The following PHACTR1 variants were observed in gnomAD, a reference collection of about 807,000 sequenced individuals.
The protein encoded by PHACTR1 is phosphatase and actin regulator 1.
In PHACTR1, 16 loss-of-function variants were observed where a neutral mutation model predicts 69.2. The observed-to-expected ratio is 0.23, with a 90% CI of 0.16 to 0.35. The LOEUF is 0.35. Ranked by LOEUF, PHACTR1 falls within the 10% of genes least tolerant of loss-of-function variation. The pLI, the probability that PHACTR1 is intolerant of heterozygous loss-of-function variation, is 1.00. For missense variants in PHACTR1, 510 were observed against 734.7 expected (o/e 0.69, Z 3.54); for synonymous variants, 312 against 284.5 (o/e 1.10, Z -0.97).
intron 4 of PHACTR1, among the ~76,000 whole-genome samples, chr6:13,046,523 C>T (rs553185681): frequency 1.3e-5 from 2 of 152,228 alleles, no homozygotes; most frequent in East Asian, 3.9e-4. Flanking sequence ...CAGTGATCCT[C>T]GTACTCACCG....
intron 11 of PHACTR1, 74 bp from the exon 12 acceptor site, chr6:13,278,194 C>T: frequency 7.0e-7 from 1 of 1,426,786 alleles, no homozygotes; most frequent in East Asian, 2.5e-5. Context: ...CTAGAGCCTG[C>T]CAAGGTCCAA....
intron 4 of PHACTR1, among the ~76,000 whole-genome samples, chr6:12,900,242 C>T (rs1348919660): frequency 6.6e-6 from 1 of 152,042 alleles, no homozygotes. Context: ...CCCTCCTTCC[C>T]CCTCTTTCTG....
intron 4 of PHACTR1, among the ~76,000 whole-genome samples, chr6:12,804,901 G>T (rs1348720370): frequency 6.6e-6 from 1 of 152,056 alleles, no homozygotes; most frequent in Non-Finnish European, 1.5e-5. Context: ...TCCAAAAATG[G>T]ACAAGAATTA....
chr6:12,853,617 G>A (rs949751044), intron 4 of PHACTR1, among the ~76,000 whole-genome samples: 1 of 152,186 alleles, frequency 6.6e-6, no homozygotes, highest in African/African-American at 2.4e-5. Context: ...CCCATTGCTG[G>A]GGAAGCCTCA....
At chr6:12,795,690 G>A (rs1450092765) in intron 4 of PHACTR1, among the ~76,000 whole-genome samples, 1 of 151,868 alleles carries the variant, frequency 6.6e-6, no homozygotes, top group Non-Finnish European at 1.5e-5. Context: ...AACAATTTGA[G>A]AGAGGTCAGT....
intron 6 of PHACTR1, among the ~76,000 whole-genome samples, chr6:13,173,711 C>G (rs1245829773): frequency 6.6e-6 from 1 of 152,152 alleles, no homozygotes; most frequent in Non-Finnish European, 1.5e-5. Flanking sequence ...TAAAACGACA[C>G]CTCTCTGAGG....
rs869092852 is a variant in PHACTR1, at chr6:13,195,757, C to CAAAAAAAAAAAAAAAAAA, written c.665-10052_665-10035dup. 4.0e-3 allele frequency among the ~76,000 whole-genome samples: 165 copies of CAAAAAAAAAAAAAAAAAA among 41,480 alleles called. 36 individuals carry two copies. Among genetic ancestry groups the CAAAAAAAAAAAAAAAAAA allele is most frequent in the African/African-American group, 0.01 (117 of 11,588 alleles). 27.2% of individuals were successfully genotyped at this position (41,480 alleles called of 152,430 possible). On this transcript the variant is annotated intron_variant, in intron 7 of 14. Coordinates refer to ENST00000332995, the MANE Select transcript of PHACTR1 (RefSeq NM_030948.6). ...TGGGCGACAGAGAGAGACACCGTCT[C>CAAAAAAAAAAAAAAAAAA]AAAAAAAAAAAAAAAAAAAAAAAGT...
chr6:12,885,702 C>T (rs1783568760), intron 4 of PHACTR1, among the ~76,000 whole-genome samples: 1 of 152,224 alleles, frequency 6.6e-6, no homozygotes, highest in African/African-American at 2.4e-5. Context: ...TCTTTATTTA[C>T]ACCCTTACAA....
chr6:12,858,660 G>C (rs1285860929), intron 4 of PHACTR1, among the ~76,000 whole-genome samples: 1 of 152,046 alleles, frequency 6.6e-6, no homozygotes, highest in African/African-American at 2.4e-5. Context: ...GCAGGACATG[G>C]TGGTGTGTGC....
intron 4 of PHACTR1, among the ~76,000 whole-genome samples, chr6:12,944,185 G>C (rs947453855): frequency 6.6e-6 from 1 of 152,192 alleles, no homozygotes; most frequent in East Asian, 1.9e-4. Flanking sequence ...CAGTGTGTCT[G>C]AGAATTAAGG....
At chr6:13,008,691 T>A (rs959769135) in intron 4 of PHACTR1, among the ~76,000 whole-genome samples, 3 of 152,234 alleles carry the variant, frequency 2.0e-5, no homozygotes, top group Admixed American at 2.0e-4. Flanking sequence ...CACCATTCTG[T>A]GTCCATGAAC....
At chr6:13,098,618 G>C (rs1814651870) in intron 5 of PHACTR1, among the ~76,000 whole-genome samples, 1 of 152,152 alleles carries the variant, frequency 6.6e-6, no homozygotes, top group Non-Finnish European at 1.5e-5. Context: ...TCACCTCCCA[G>C]ACCTGATCCA....
chr6:12,819,220 G>A lies in PHACTR1; in HGVS notation c.250+69430G>A, dbSNP rs531289181. Among the ~76,000 whole-genome samples the A allele has an allele frequency of 3.3e-4, 50 of 152,230 alleles. No individual in the cohort carries two copies. The South Asian group carries it at 8.5e-3, about 26-fold the overall frequency. ...TTTTGTAGGTCTTTTGGGGCTTCTC[G>A]TTTAATATCCCAGAGTGACAATGAG... On this transcript the variant is annotated intron_variant, in intron 4 of 14. Coordinates refer to ENST00000332995, the MANE Select transcript of PHACTR1 (RefSeq NM_030948.6).
chr6:13,011,730 A>C (rs1799472878), intron 4 of PHACTR1, among the ~76,000 whole-genome samples: 2 of 152,250 alleles, frequency 1.3e-5, no homozygotes, highest in South Asian at 2.1e-4. Flanking sequence ...TTTAAAATAC[A>C]CATTTACGGA....
intron 7 of PHACTR1, among the ~76,000 whole-genome samples, chr6:13,189,561 G>C (rs1211672157): frequency 1.3e-5 from 2 of 152,040 alleles, no homozygotes; most frequent in African/African-American, 2.4e-5. Context: ...ACCACGCCTG[G>C]CTAACTTTTG....
intron 5 of PHACTR1, among the ~76,000 whole-genome samples, chr6:13,148,433 T>C (rs1037261798): frequency 2.2e-4 from 34 of 152,324 alleles, no homozygotes; most frequent in African/African-American, 7.5e-4. Flanking sequence ...TTCCCTAATA[T>C]GATCTAATAC....
intron 11 of PHACTR1, 40 bp from the exon 12 acceptor site, chr6:13,278,228 G>T (rs1220820059): frequency 6.5e-7 from 1 of 1,546,468 alleles, no homozygotes. Flanking sequence ...ACACAACACT[G>T]TTTACTGAAA....
intron 4 of PHACTR1, among the ~76,000 whole-genome samples, chr6:12,980,961 A>G (rs921157523): frequency 2.6e-5 from 4 of 152,258 alleles, no homozygotes; most frequent in Non-Finnish European, 2.9e-5. Context: ...CGGGTTATAC[A>G]GATGCCTGGG....
chr6:12,743,820 C>T (rs1410862956), intron 3 of PHACTR1, among the ~76,000 whole-genome samples: 3 of 152,206 alleles, frequency 2.0e-5, no homozygotes, highest in African/African-American at 7.2e-5. Flanking sequence ...TAGACATCTA[C>T]AGAACTCTCC....
Sources: allele counts gnomAD v4.1 joint callset (sites outside exome capture counted in the v4.1 genomes callset), GRCh38; gene constraint gnomAD v4.1.1; transcripts MANE v1.5; gene names NCBI Gene and HGNC (gene_info 2026-07-23, HGNC 2026-07-21).